CSF2RB: variants seen among roughly 807,000 people sequenced by gnomAD.
CSF2RB encodes cytokine receptor common subunit beta.
CSF2RB carries 22 observed loss-of-function variants against 67.2 expected under a neutral mutation model. The observed-to-expected ratio is 0.33, with a 90% CI of 0.23 to 0.47. The LOEUF (loss-of-function observed/expected upper bound fraction) is 0.47. CSF2RB is among the 20% of genes least tolerant of loss of function. The probability of loss-of-function intolerance (pLI) is 1.00; values close to 1 mark genes in which losing one functional copy is unlikely to be tolerated. For missense variants in CSF2RB, 1,113 were observed against 1,174.5 expected, an observed-to-expected ratio of 0.95 and a Z score of 0.76; for synonymous variants, 507 against 482.9, an observed-to-expected ratio of 1.05 and a Z score of -0.65.
At position 36,938,310 on chromosome 22, in the gene CSF2RB, G is replaced by A. The variant is rs16997520; in HGVS notation, c.2502G>A (p.Ser834=). Residue 834 remains serine (S), a synonymous_variant, in exon 14 of 14, where the codon TCG becomes TCA. Coordinates refer to ENST00000403662, the MANE Select transcript of CSF2RB (RefSeq NM_000395.3). ...CCGGCCTGGGGCCCGGCCCTCTCTC[G>A]CTCCGGAGTAAACCTTCTTCCCCGG... ...FLPGLGPGPL[S]LRSKPSSPGP... 22 of 1,613,998 alleles carry A rather than the reference G, an allele frequency of 1.4e-5. No homozygotes were observed. Among genetic ancestry groups the A allele is most frequent in the Middle Eastern group, 1.6e-4 (1 of 6,084 alleles).
intron 4 of CSF2RB, among the ~76,000 whole-genome samples, chr22:36,926,410 C>T (rs190613642): frequency 2.2e-3 from 340 of 152,380 alleles, no homozygotes; most frequent in Non-Finnish European, 3.6e-3. Context: ...CCATGGGCTT[C>T]CAGCACTGCA....
In CSF2RB at chr22:36,937,557, G is replaced by A; in HGVS notation, c.1749G>A (p.Gln583=). The change falls in exon 14 of 14, where the codon CAG becomes CAA. Residue 583 remains glutamine, a synonymous_variant. Transcript: ENST00000403662. The surrounding 1 kb of genome is among the most constrained non-coding windows in gnomAD (Gnocchi z 4.6). ...CCGCCTCCCACACACCTGAGAAACA[G>A]GCTTCCAGCTTTGACTTCAATGGGC... ...PPAASHTPEK[Q]ASSFDFNGPY... is the part of the protein sequence containing the mutation. 1 of 1,612,918 alleles carries A rather than the reference G, an allele frequency of 6.2e-7. No individual in the cohort carries two copies. Among genetic ancestry groups the A allele is most frequent in the Non-Finnish European group, 8.5e-7 (1 of 1,179,484 alleles).
At chr22:36,921,133 TTC>T (rs1940855504) in intron 1 of CSF2RB, among the ~76,000 whole-genome samples, 1 of 150,722 alleles carries the variant, frequency 6.6e-6, no homozygotes, top group Non-Finnish European at 1.5e-5. Flanking sequence ...GTGTGTGAAT[TTC>T]TGTGTATGTG....
intron 2 of CSF2RB, among the ~76,000 whole-genome samples, chr22:36,922,892 T>A (rs1569131835): frequency 6.6e-6 from 1 of 151,878 alleles, no homozygotes; most frequent in South Asian, 2.1e-4. Context: ...GGGCTGAGTG[T>A]GTGCCCCCTC....
Position 36,939,866 on chromosome 22 carries a change from C to G in CSF2RB, c.*1364C>G, listed in dbSNP as rs1023331229. 1 of 152,254 alleles carries G rather than the reference C, an allele frequency of 6.6e-6. No individual in the cohort carries two copies. The highest frequency in any genetic ancestry group is 1.5e-5 in the Non-Finnish European group (1 of 68,048). The allele number at this position is 152,254 out of a possible 1,614,324, so 9.4% of individuals were successfully genotyped here. ...TAAACTCCTTCTTCACTTTTACTGT[C>G]AGATTTACAAAGGTCCTCCCATTGC... On this transcript the variant is annotated 3_prime_UTR_variant, in exon 14 of 14. Coordinates refer to ENST00000403662, the MANE Select transcript of CSF2RB (RefSeq NM_000395.3).
At chr22:36,923,606 T>C (rs1940935986) in intron 3 of CSF2RB, among the ~76,000 whole-genome samples, 1 of 152,188 alleles carries the variant, frequency 6.6e-6, no homozygotes, top group Non-Finnish European at 1.5e-5. Flanking sequence ...TTGGTGACAA[T>C]GGTGGTGGTG....
chr22:36,929,598 T>TG, intron 5 of CSF2RB, 39 bp downstream of exon 5: 3 of 1,614,172 alleles, frequency 1.9e-6, no homozygotes, highest in Non-Finnish European at 2.5e-6. Flanking sequence ...CCCGAAGGGA[T>TG]GGGCAGCACC....
chr22:36,938,692 G>GACAC lies in CSF2RB; in HGVS notation c.*203_*206dup. ...TCACTTCTCTCCCTGCGCTCACACA[G>GACAC]ACACACACACACACACGTACATGCA... On this transcript the variant is annotated 3_prime_UTR_variant, in exon 14 of 14. Transcript: ENST00000403662. The GACAC allele has an allele frequency of 3.4e-6, 2 of 592,148 alleles. No homozygotes were observed. The highest frequency in any genetic ancestry group is 1.9e-5 in the African/African-American group (1 of 53,504). 36.7% of individuals were successfully genotyped at this position (592,148 alleles called of 1,614,324 possible).
In CSF2RB at chr22:36,922,099, G is replaced by A. The variant is rs780887563; in HGVS notation, c.-109G>A. On this transcript the variant is annotated 5_prime_UTR_variant, in exon 2 of 14. An upstream open reading frame in the 5' UTR gains an earlier in-frame stop. Coordinates refer to ENST00000403662, the MANE Select transcript of CSF2RB (RefSeq NM_000395.3). ...GAGCCTGTGAAATGGGTCTGGCCTG[G>A]CTCCCAGCTGGGCAGGAACACAGGA... The A allele has an allele frequency of 9.7e-7, 1 of 1,036,260 alleles. No individual in the cohort carries two copies. Among genetic ancestry groups the A allele is most frequent in the Non-Finnish European group, 1.4e-6 (1 of 692,272 alleles). The allele number at this position is 1,036,260 out of a possible 1,614,324, so 64.2% of individuals were successfully genotyped here.
intron 2 of CSF2RB, chr22:36,922,853 A>T: frequency 3.1e-6 from 1 of 318,616 alleles, no homozygotes; most frequent in Non-Finnish European, 6.0e-6. Context: ...GGGAGGTTGC[A>T]GGGTAGAACT....
rs548127885 is a variant in CSF2RB, at chr22:36,919,375, T to C, written c.-172-2661T>C. 3.9e-5 allele frequency among the ~76,000 whole-genome samples: 6 copies of C among 152,296 alleles called. No individual in the cohort carries two copies. In the South Asian group the frequency reaches 1.0e-3, roughly 26 times the overall value. The stretch of plus-strand genomic sequence containing the variant: ...CTATCTTTTTCATTTGTGGTATCCA[T>C]TCTGTGGTTTGGCCCACTATTGATT... On this transcript the variant is annotated intron_variant, in intron 1 of 13. Coordinates refer to ENST00000403662, the MANE Select transcript of CSF2RB (RefSeq NM_000395.3).
rs1490686224 is a variant in CSF2RB at position 36,929,577 on chromosome 22, C to T, written c.549+18C>T. On this transcript the variant is annotated intron_variant, in intron 5 of 13. Coordinates refer to ENST00000403662, the MANE Select transcript of CSF2RB (RefSeq NM_000395.3). Reference sequence around the variant, plus strand: ...CTTGGGAGGTAGGAACCACGGCCAGCTCTGCCCCAGCCCGAAGGGATGGGC... The same window carrying T: ...CTTGGGAGGTAGGAACCACGGCCAGTTCTGCCCCAGCCCGAAGGGATGGGC... 6.2e-7 allele frequency: 1 copy of T among 1,614,068 alleles called. No individual in the cohort carries two copies. Among genetic ancestry groups the T allele is most frequent in the African/African-American group, 1.3e-5 (1 of 74,930 alleles).
chr22:36,933,496 C>T (rs1248279007), intron 9 of CSF2RB, among the ~76,000 whole-genome samples: 4 of 152,158 alleles, frequency 2.6e-5, no homozygotes, highest in Non-Finnish European at 4.4e-5. Flanking sequence ...GCCTGCACTG[C>T]GTTCCTAAAA....
At chr22:36,929,287 G>A in intron 4 of CSF2RB, 115 bp from the exon 5 acceptor site, 3 of 1,409,684 alleles carry the variant, frequency 2.1e-6, no homozygotes, top group East Asian at 4.6e-5. Flanking sequence ...AGGTCCCTCA[G>A]CTGCTGGGGG....
chr22:36,935,269 A>C (rs1941242035), intron 10 of CSF2RB, 82 bp from the exon 11 acceptor site: 1 of 1,313,068 alleles, frequency 7.6e-7, no homozygotes. Flanking sequence ...CTTAAGGAAT[A>C]CTGCACCAAC....
At chr22:36,930,553 T>C (rs1941126399) in intron 7 of CSF2RB, 43 bp downstream of exon 7, 1 of 1,611,888 alleles carries the variant, frequency 6.2e-7, no homozygotes, top group Non-Finnish European at 8.5e-7. Flanking sequence ...CTCTTGGCCT[T>C]GCTCTCTCCA....
intron 11 of CSF2RB, 37 bp from the exon 12 acceptor site, chr22:36,935,593 G>A (rs1941249679): frequency 6.2e-7 from 1 of 1,613,846 alleles, no homozygotes; most frequent in Admixed American, 1.7e-5. Context: ...CTGGCCATGA[G>A]GTCTCTGATG....
At chr22:36,922,678 T>G in intron 2 of CSF2RB, 1 of 357,492 alleles carries the variant, frequency 2.8e-6, no homozygotes, top group Non-Finnish European at 5.3e-6. Flanking sequence ...CTTCAGCCGC[T>G]AGCACCCTCC....
intron 3 of CSF2RB, among the ~76,000 whole-genome samples, chr22:36,924,333 G>A (rs1940958033): frequency 6.6e-6 from 1 of 151,380 alleles, no homozygotes; most frequent in Non-Finnish European, 1.5e-5. Flanking sequence ...TGAGGCCTGA[G>A]ACACGATGCT....
Sources: gnomAD v4.1 joint callset for allele counts (sites outside exome capture counted in the v4.1 genomes callset) on GRCh38, gnomAD v4.1.1 for gene constraint, Gnocchi (gnomAD v3.1) non-coding constraint, MANE v1.5 for transcripts, NCBI Gene and HGNC (gene_info 2026-07-23, HGNC 2026-07-21) for gene names.